Variants in HMCN1 observed in about 807,000 individuals in gnomAD.
The protein encoded by HMCN1 is hemicentin 1.
HMCN1 carries 321 observed loss-of-function variants against 625.9 expected under a neutral mutation model. That is an observed-to-expected ratio of 0.51 (90% CI 0.47 to 0.56). HMCN1 has a LOEUF of 0.56. HMCN1 is among the 20% of genes least tolerant of loss of function. The pLI is 0.00. For synonymous variants in HMCN1, 2,425 were observed against 2,417.6 expected, an observed-to-expected ratio of 1.00 and a Z score of -0.09; for missense variants, 6,588 against 6,887.3, an observed-to-expected ratio of 0.96 and a Z score of 1.54.
At chr1:185,796,503 G>A (rs560151078) in intron 1 of HMCN1, among the ~76,000 whole-genome samples, 3 of 152,238 alleles carry the variant, frequency 2.0e-5, no homozygotes, top group Non-Finnish European at 2.9e-5. Flanking sequence ...TTTAGCTTCC[G>A]CTTATAAGTG....
At chr1:186,117,346 C>G in intron 76 of HMCN1, 113 bp from the exon 77 acceptor site, 1 of 1,297,968 alleles carries the variant, frequency 7.7e-7, no homozygotes, top group Non-Finnish European at 1.1e-6. Flanking sequence ...CCCTTTTCTA[C>G]TTACCTAACT....
chr1:185,963,304 T>C (rs533930631), intron 12 of HMCN1, among the ~76,000 whole-genome samples: 33 of 152,252 alleles, frequency 2.2e-4, no homozygotes, highest in African/African-American at 7.5e-4. Context: ...CCTAAACGCC[T>C]TACAGACTCA....
At chr1:186,027,663 G>A (rs1173720844) in intron 36 of HMCN1, among the ~76,000 whole-genome samples, 2 of 152,142 alleles carry the variant, frequency 1.3e-5, no homozygotes, top group African/African-American at 4.8e-5. Context: ...GTCAGCATCT[G>A]TAAATGACAG....
intron 36 of HMCN1, among the ~76,000 whole-genome samples, chr1:186,034,312 T>C (rs1358644057): frequency 2.6e-5 from 4 of 152,188 alleles, no homozygotes; most frequent in Admixed American, 2.6e-4. Context: ...AGTCAGGCCA[T>C]GTTGGACTTC....
At chr1:185,805,726 C>G (rs1429643718) in intron 1 of HMCN1, among the ~76,000 whole-genome samples, 1 of 152,142 alleles carries the variant, frequency 6.6e-6, no homozygotes, top group African/African-American at 2.4e-5. Context: ...CTGCCTCTCT[C>G]TACTGCGTAT....
chr1:186,024,072 A>G (rs573572768), intron 36 of HMCN1, among the ~76,000 whole-genome samples: 6 of 152,342 alleles, frequency 3.9e-5, no homozygotes, highest in African/African-American at 1.4e-4. Flanking sequence ...TTTCCAATAT[A>G]TCAATTTATT....
chr1:185,757,608 A>C (rs1655215106), intron 1 of HMCN1, among the ~76,000 whole-genome samples: 1 of 152,014 alleles, frequency 6.6e-6, no homozygotes, highest in African/African-American at 2.4e-5. Flanking sequence ...TGTCATTATT[A>C]CTCAAAGACC....
chr1:185,936,375 T>C (rs978415100), intron 11 of HMCN1, among the ~76,000 whole-genome samples: 3 of 152,008 alleles, frequency 2.0e-5, no homozygotes, highest in Non-Finnish European at 4.4e-5. Context: ...GAATTTTATA[T>C]GTATTACATA....
chr1:185,976,935 A>G (rs779159540), intron 15 of HMCN1, among the ~76,000 whole-genome samples: 27 of 152,044 alleles, frequency 1.8e-4, no homozygotes, highest in Non-Finnish European at 3.4e-4. Context: ...CTGGTGTCTC[A>G]TCACCCATAA....
At chr1:186,123,967 AT>A (rs1376230935) in intron 81 of HMCN1, among the ~76,000 whole-genome samples, 1 of 152,094 alleles carries the variant, frequency 6.6e-6, no homozygotes, top group Non-Finnish European at 1.5e-5. Flanking sequence ...GAGTGGAAAC[AT>A]TTTTGGTTGA....
chr1:186,038,132 A>G (rs1655957592), intron 37 of HMCN1, 97 bp downstream of exon 37: 1 of 776,494 alleles, frequency 1.3e-6, no homozygotes, highest in South Asian at 1.4e-5. Flanking sequence ...CTAGTAAAGA[A>G]CAGGTTATAG....
intron 1 of HMCN1, among the ~76,000 whole-genome samples, chr1:185,798,677 A>C (rs1203182591): frequency 6.6e-6 from 1 of 151,872 alleles, no homozygotes; most frequent in Non-Finnish European, 1.5e-5. Flanking sequence ...TAAAACTTTC[A>C]ACTGTATTTT....
intron 11 of HMCN1, among the ~76,000 whole-genome samples, chr1:185,936,073 G>A (rs1667799434): frequency 6.6e-6 from 1 of 152,062 alleles, no homozygotes; most frequent in African/African-American, 2.4e-5. Flanking sequence ...GTTTAAAGGG[G>A]AATCAGTAGC....
At chr1:185,960,461 T>G (rs968622418) in intron 11 of HMCN1, among the ~76,000 whole-genome samples, 1 of 152,090 alleles carries the variant, frequency 6.6e-6, no homozygotes, top group African/African-American at 2.4e-5. Flanking sequence ...AATGGTAAAT[T>G]TCTCACCTCC....
Position 186,117,042 on chromosome 1 carries a change from C to G in HMCN1, c.11610C>G (p.Asp3870Glu). The G allele has an allele frequency of 6.2e-7, 1 of 1,613,394 alleles. No individual in the cohort carries two copies. Among genetic ancestry groups the G allele is most frequent in the Non-Finnish European group, 8.5e-7 (1 of 1,179,468 alleles). Residue 3870 changes from aspartate to glutamate, a missense_variant, in exon 76 of 107, where the codon GAC becomes GAG. Asp to Glu is a conservative substitution (Grantham distance 45). Transcript: ENST00000271588. ...TAATTATTTCCCCTTCTGTGGATGA[C>G]ACTGCAACCTATGAATGTACTGTGA... Reference protein sequence around the residue: ...SLVIISPSVDDTATYECTVTN... With the variant: ...SLVIISPSVDETATYECTVTN...
intron 1 of HMCN1, among the ~76,000 whole-genome samples, chr1:185,762,106 A>G (rs1358459123): frequency 6.6e-6 from 1 of 152,190 alleles, no homozygotes. Context: ...AAAAGAGGTG[A>G]AAAGTATTTT....
At position 185,923,407 on chromosome 1, in the gene HMCN1, C is replaced by T. The variant is rs1217688063; in HGVS notation, c.1039C>T (p.Leu347=). The stretch of plus-strand genomic sequence containing the variant: ...TCTTGTAGGAATACCTACCTATGTA[C>T]TGCTCAATACTTCTGGAATTTCCAC... ...RPVQGIPTYV[L]LNTSGISTPA... Residue 347 remains leucine (L), a synonymous_variant, in exon 8 of 107, where the codon CTG becomes TTG. Transcript: ENST00000271588. 2 of 1,609,772 alleles carry T rather than the reference C, an allele frequency of 1.2e-6. No homozygotes were observed. The highest frequency in any genetic ancestry group is 2.7e-5 in the African/African-American group (2 of 74,960).
rs1557960487 is a variant in HMCN1, at chr1:185,778,496, C to CCT, written c.268+43449_268+43450insCT. Among the ~76,000 whole-genome samples, 768 of 124,666 alleles carry CCT rather than the reference C, an allele frequency of 6.2e-3. 9 individuals carry two copies. The highest frequency in any genetic ancestry group is 0.021 in the African/African-American group (686 of 33,118). 81.8% of individuals were successfully genotyped at this position (124,666 alleles called of 152,430 possible). ...TATCTCCTAATGCTATCCCTCCCCC[C>CCT]GCCCCCACCCCACAACAGTCCCCAG... On this transcript the variant is annotated intron_variant, in intron 1 of 106. Coordinates refer to ENST00000271588, the MANE Select transcript of HMCN1 (RefSeq NM_031935.3).
At chr1:185,932,851 A>G (rs1252485139) in intron 10 of HMCN1, among the ~76,000 whole-genome samples, 1 of 152,136 alleles carries the variant, frequency 6.6e-6, no homozygotes, top group Non-Finnish European at 1.5e-5. Context: ...GTAAAATAAT[A>G]AAAAGAACCA....
Sources: allele counts gnomAD v4.1 joint callset (sites outside exome capture counted in the v4.1 genomes callset), GRCh38; gene constraint gnomAD v4.1.1; transcripts MANE v1.5; gene names NCBI Gene and HGNC (gene_info 2026-07-23, HGNC 2026-07-21).